The following RBM24 variants were observed in gnomAD, a reference collection of about 807,000 sequenced individuals.
The protein encoded by RBM24 is RNA-binding protein 24.
A neutral mutation model predicts 23.6 loss-of-function variants in RBM24; 5 were observed. The ratio of observed to expected loss-of-function variants is 0.21; its 90% confidence interval spans 0.11 to 0.45. RBM24 has a LOEUF of 0.45. Among genes scored for constraint, RBM24 ranks in the 20% least tolerant of loss-of-function variants. The probability of loss-of-function intolerance (pLI) is 0.99; values close to 1 mark genes in which losing one functional copy is unlikely to be tolerated. For synonymous variants in RBM24, 151 were observed against 129.5 expected (o/e 1.17, Z -1.13); for missense variants, 252 against 314.6 (o/e 0.80, Z 1.51).
chr6:17,288,724 G>C (rs1760268863), intron 3 of RBM24: 27 of 974,702 alleles, frequency 2.8e-5, no homozygotes, highest in Non-Finnish European at 3.3e-5. Flanking sequence ...ATCTGGGAAT[G>C]TGAAGCTTGT....
intron 3 of RBM24, chr6:17,290,715 CAA>C (rs956211547): frequency 4.1e-6 from 2 of 486,720 alleles, no homozygotes; most frequent in East Asian, 7.1e-5. Context: ...AGTAGATGTG[CAA>C]AAAAAGTTTC....
At chr6:17,289,871 G>C (rs2113409313) in intron 3 of RBM24, 1 of 1,203,532 alleles carries the variant, frequency 8.3e-7, no homozygotes, top group Non-Finnish European at 1.1e-6. Context: ...TGTAGACACG[G>C]CAGCCTCCAG....
intron 3 of RBM24, chr6:17,288,118 TC>T (rs1194007077): frequency 1.2e-5 from 4 of 340,410 alleles, no homozygotes; most frequent in Non-Finnish European, 1.7e-5. Flanking sequence ...TTAATTAACT[TC>T]CCCCTGATCA....
chr6:17,292,256 T>C lies in RBM24; in HGVS notation c.*137T>C. The C allele has an allele frequency of 1.2e-6, 1 of 806,210 alleles. No individual in the cohort carries two copies. The highest frequency in any genetic ancestry group is 2.9e-5 in the Admixed American group (1 of 34,288). The allele number at this position is 806,210 out of a possible 1,614,324, so 49.9% of individuals were successfully genotyped here. ...GCCATGCTATTGTGAAGCAGAGTTA[T>C]TATTTTTTTTATACTCCAGGTAGTG... On this transcript the variant is annotated 3_prime_UTR_variant, in exon 4 of 4. Coordinates refer to ENST00000379052, the MANE Select transcript of RBM24 (RefSeq NM_001143942.2).
chr6:17,282,444 G>GT, intron 1 of RBM24: 4 of 497,184 alleles, frequency 8.0e-6, no homozygotes, highest in Admixed American at 4.7e-5. Context: ...CTGAGGCTGA[G>GT]TAGGGACCTG....
In RBM24 at chr6:17,292,049, C is replaced by T. The variant is rs1165829475; in HGVS notation, c.641C>T (p.Ala214Val). The T allele has an allele frequency of 6.3e-7, 1 of 1,595,054 alleles. No individual in the cohort carries two copies. Among genetic ancestry groups the T allele is most frequent in the East Asian group, 2.2e-5 (1 of 44,742 alleles). The change falls in exon 4 of 4, where the codon GCA becomes GTA. Residue 214 changes from alanine to valine, a missense_variant. Transcript: ENST00000379052. ...AAPGTAAAAA[A>V]AAAAAAAFGQ... ...CCTGGGACAGCTGCCGCCGCCGCTG[C>T]AGCAGCTGCTGCCGCTGCAGCATTT...
Position 17,281,608 on chromosome 6 carries a change from G to C in RBM24, c.27G>C (p.Thr9=), listed in dbSNP as rs752725806. The change falls in exon 1 of 4, where the codon ACG becomes ACC. Residue 9 remains threonine, a synonymous_variant. Coordinates refer to ENST00000379052, the MANE Select transcript of RBM24 (RefSeq NM_001143942.2). The surrounding 1 kb of genome is among the most constrained non-coding windows in gnomAD (Gnocchi z 7.1). MHTTQKDT[T]YTKIFVGGLP... is the part of the protein sequence containing the mutation. ...TGCACACGACCCAGAAGGACACGAC[G>C]TACACCAAGATCTTCGTCGGGGGGC... 2.6e-6 allele frequency: 4 copies of C among 1,548,508 alleles called. No individual in the cohort carries two copies.
At position 17,292,246 on chromosome 6, in the gene RBM24, A is replaced by G. The variant is rs1373740014; in HGVS notation, c.*127A>G. ...AAAAAAAACAGCCATGCTATTGTGA[A>G]GCAGAGTTATTATTTTTTTTATACT... is the stretch of plus-strand genomic sequence containing the variant. On this transcript the variant is annotated 3_prime_UTR_variant, in exon 4 of 4. Coordinates refer to ENST00000379052, the MANE Select transcript of RBM24 (RefSeq NM_001143942.2). 3 of 927,378 alleles carry G rather than the reference A, an allele frequency of 3.2e-6. No homozygotes were observed. The highest frequency in any genetic ancestry group is 1.6e-5 in the African/African-American group (1 of 60,692). 57.4% of individuals were successfully genotyped at this position (927,378 alleles called of 1,614,324 possible). A position where few individuals can be genotyped will look rare whatever the true frequency, so the allele number is the denominator to read the frequency against.
At chr6:17,290,847 A>G in intron 3 of RBM24, 3 of 1,288,614 alleles carry the variant, frequency 2.3e-6, no homozygotes, top group South Asian at 2.5e-5. Flanking sequence ...TGTCTTGCAT[A>G]GAGATAAACA....
intron 3 of RBM24, among the ~76,000 whole-genome samples, chr6:17,290,409 C>A (rs1169888967): frequency 2.0e-5 from 3 of 152,168 alleles, no homozygotes; most frequent in Admixed American, 2.0e-4. Context: ...TTCAGATGGG[C>A]AGTAATAAAT....
intron 3 of RBM24, chr6:17,289,658 G>C: frequency 2.0e-6 from 2 of 985,368 alleles, no homozygotes; most frequent in Non-Finnish European, 2.4e-6. Flanking sequence ...AGTACAAGGG[G>C]TTAAGGTTTC....
At chr6:17,290,939 A>G (rs1561737584) in intron 3 of RBM24, 1 of 1,146,298 alleles carries the variant, frequency 8.7e-7, no homozygotes, top group Non-Finnish European at 1.2e-6. Flanking sequence ...GGGGAAAAAA[A>G]AGAGAAAGAA....
chr6:17,282,727 C>A (rs760792512), intron 1 of RBM24, 78 bp from the exon 2 acceptor site: 2 of 1,582,192 alleles, frequency 1.3e-6, no homozygotes, highest in Non-Finnish European at 1.7e-6. Flanking sequence ...TGAATGACTT[C>A]TCCATTGTGA....
In RBM24 at chr6:17,282,690, A is replaced by G. The variant is rs1409230048; in HGVS notation, c.169-115A>G. On this transcript the variant is annotated intron_variant, in intron 1 of 3. Coordinates refer to ENST00000379052, the MANE Select transcript of RBM24 (RefSeq NM_001143942.2). ...TCCAGCCAAAAGAAGCAAAGAATAG[A>G]AAAAAAGTTTGATCTCAGTTTTATC... The G allele has an allele frequency of 6.1e-6, 9 of 1,478,588 alleles. No homozygotes were observed. In the African/African-American group the frequency reaches 1.3e-4, roughly 21 times the overall value. 91.6% of individuals were successfully genotyped at this position (1,478,588 alleles called of 1,614,324 possible).
intron 3 of RBM24, chr6:17,288,876 T>G (rs2113407473): frequency 2.0e-6 from 2 of 985,410 alleles, no homozygotes; most frequent in South Asian, 9.4e-5. Flanking sequence ...TGAGTTTGGT[T>G]TTTTAGGGGC....
rs1360735669 is a variant in RBM24, at chr6:17,281,769, G to A, written c.168+20G>A. 1.9e-6 allele frequency: 3 copies of A among 1,547,578 alleles called. No individual in the cohort carries two copies. Among genetic ancestry groups the A allele is most frequent in the African/African-American group, 1.4e-5 (1 of 72,878 alleles). On this transcript the variant is annotated intron_variant, in intron 1 of 3. Coordinates refer to ENST00000379052, the MANE Select transcript of RBM24 (RefSeq NM_001143942.2). This position sits in a 1 kb window ranked among gnomAD's most constrained non-coding sequence, Gnocchi z 7.1. ...GGATTTGTAAGTTGCACGGACTGGGGGTGACGGGGAGGGACGGAGTGGCGG... is the reference window on the plus strand; with the variant it reads ...GGATTTGTAAGTTGCACGGACTGGGAGTGACGGGGAGGGACGGAGTGGCGG...
At chr6:17,288,397 G>A (rs1760258406) in intron 3 of RBM24, 23 of 985,302 alleles carry the variant, frequency 2.3e-5, no homozygotes, top group Non-Finnish European at 2.8e-5. Flanking sequence ...AATGGTGGAG[G>A]GTAGGGAACT....
intron 3 of RBM24, chr6:17,289,932 TG>T: frequency 1.6e-6 from 2 of 1,282,914 alleles, no homozygotes; most frequent in South Asian, 1.2e-5. Flanking sequence ...GCCAGTCACC[TG>T]ACCTGCAGCA....
chr6:17,287,451 G>T (rs555925637), intron 3 of RBM24, among the ~76,000 whole-genome samples: 79 of 152,284 alleles, frequency 5.2e-4, no homozygotes, highest in Middle Eastern at 3.4e-3. Context: ...ATGGTTGAAA[G>T]AAGCATTTCC....
Sources: allele counts gnomAD v4.1 joint callset (sites outside exome capture counted in the v4.1 genomes callset), GRCh38; gene constraint gnomAD v4.1.1; non-coding constraint Gnocchi (gnomAD v3.1); transcripts MANE v1.5; gene names NCBI Gene and HGNC (gene_info 2026-07-23, HGNC 2026-07-21).